Variants in RAB30 observed in about 807,000 individuals in gnomAD.
The protein encoded by RAB30 is ras-related protein Rab-30.
A neutral mutation model predicts 25.1 loss-of-function variants in RAB30; 9 were observed. That is an observed-to-expected ratio of 0.36 (90% confidence interval 0.22 to 0.63). The LOEUF is 0.63. RAB30 is among the 20% of genes least tolerant of loss of function. The pLI is 0.69. For synonymous variants in RAB30, 77 were observed against 86.4 expected (o/e 0.89, Z 0.60); for missense variants, 140 against 243.5 (o/e 0.58, Z 2.83).
At chr11:83,042,576 C>T (rs1435355120) in intron 1 of RAB30, among the ~76,000 whole-genome samples, 1 of 151,888 alleles carries the variant, frequency 6.6e-6, no homozygotes, top group Non-Finnish European at 1.5e-5. Flanking sequence ...AACAAAAAAA[C>T]CCACAAATCT....
chr11:82,994,096 G>A lies in RAB30; in HGVS notation c.120C>T (p.Ala40=). The change falls in exon 3 of 5, where the codon GCC becomes GCT. Residue 40 remains alanine (A), a synonymous_variant. Coordinates refer to ENST00000527633, the MANE Select transcript of RAB30 (RefSeq NM_001286060.2). ...TQGLFPPGQG[A]TIGVDFMIKT... ...TAATCATAAAATCAACTCCAATTGT[G>A]GCTCCTTGACCTGGGGGGAAAAGAC... is the stretch of plus-strand genomic sequence containing the variant. 1 of 1,611,292 alleles carries A rather than the reference G, an allele frequency of 6.2e-7. No individual in the cohort carries two copies. The highest frequency in any genetic ancestry group is 8.5e-7 in the Non-Finnish European group (1 of 1,177,600).
intron 1 of RAB30, among the ~76,000 whole-genome samples, chr11:83,043,514 G>A (rs1264061555): frequency 1.3e-5 from 2 of 152,190 alleles, no homozygotes; most frequent in Admixed American, 6.5e-5. Flanking sequence ...TCTATTAGAT[G>A]ACATAATGGA....
At chr11:83,001,186 TTTTG>T (rs569892568) in intron 1 of RAB30, among the ~76,000 whole-genome samples, 13 of 152,044 alleles carry the variant, frequency 8.6e-5, no homozygotes, top group African/African-American at 2.4e-4. Flanking sequence ...TTGAATGTGT[TTTTG>T]TTTGTTTGTT....
intron 1 of RAB30, among the ~76,000 whole-genome samples, chr11:83,018,185 G>C (rs901483558): frequency 2.6e-5 from 4 of 151,854 alleles, no homozygotes; most frequent in Admixed American, 2.6e-4. Context: ...TGTAGTCCCA[G>C]CTACTCGGGA....
At chr11:83,058,408 T>C (rs1858499059) in intron 1 of RAB30, among the ~76,000 whole-genome samples, 1 of 152,248 alleles carries the variant, frequency 6.6e-6, no homozygotes, top group Non-Finnish European at 1.5e-5. Context: ...TTTTAATGTG[T>C]CTTTAGTCAC....
intron 1 of RAB30, among the ~76,000 whole-genome samples, chr11:83,065,123 C>T (rs1738257687): frequency 1.3e-5 from 2 of 152,034 alleles, no homozygotes; most frequent in South Asian, 4.1e-4. Flanking sequence ...GAGACAAGAG[C>T]TGGGCACAGT....
chr11:83,026,821 A>G (rs1425245352), intron 1 of RAB30, among the ~76,000 whole-genome samples: 1 of 152,252 alleles, frequency 6.6e-6, no homozygotes, highest in Non-Finnish European at 1.5e-5. Context: ...TTATTAAAAA[A>G]AACCTTATAA....
At chr11:83,058,242 AATT>A (rs1378081351) in intron 1 of RAB30, among the ~76,000 whole-genome samples, 5 of 152,306 alleles carry the variant, frequency 3.3e-5, no homozygotes, top group Non-Finnish European at 2.9e-5. Flanking sequence ...TCCACGGTAT[AATT>A]ATCAAAATCA....
chr11:82,995,690 A>T (rs1046752393), intron 2 of RAB30, among the ~76,000 whole-genome samples: 8 of 152,244 alleles, frequency 5.3e-5, no homozygotes, highest in Admixed American at 4.6e-4. Context: ...ACATTTTCAC[A>T]TCTAATGACA....
At chr11:83,015,236 C>A (rs1199199833) in intron 1 of RAB30, among the ~76,000 whole-genome samples, 1 of 152,094 alleles carries the variant, frequency 6.6e-6, no homozygotes, top group Non-Finnish European at 1.5e-5. Context: ...AGTTAGGAGG[C>A]TACTGCAAAT....
At chr11:82,986,023 G>GA (rs1250347454) in intron 4 of RAB30, among the ~76,000 whole-genome samples, 1 of 151,118 alleles carries the variant, frequency 6.6e-6, no homozygotes, top group Non-Finnish European at 1.5e-5. Flanking sequence ...ACAAACAAAC[G>GA]AAAAAAAATC....
intron 1 of RAB30, among the ~76,000 whole-genome samples, chr11:83,019,207 G>A (rs1009333465): frequency 1.1e-4 from 17 of 152,212 alleles, no homozygotes; most frequent in African/African-American, 3.9e-4. Context: ...TGTATTTTTA[G>A]TAGAGATGGG....
chr11:83,054,283 T>C (rs1186347475), intron 1 of RAB30, among the ~76,000 whole-genome samples: 1 of 152,238 alleles, frequency 6.6e-6, no homozygotes, highest in Non-Finnish European at 1.5e-5. Flanking sequence ...CCATACTGTA[T>C]GATAATCATC....
chr11:83,036,906 C>T (rs74362443), intron 1 of RAB30, among the ~76,000 whole-genome samples: 6 of 152,276 alleles, frequency 3.9e-5, no homozygotes, highest in East Asian at 3.9e-4. Context: ...GAAAAAAGAA[C>T]GGTTGAGATG....
At chr11:83,014,615 A>G (rs948203939) in intron 1 of RAB30, among the ~76,000 whole-genome samples, 112 of 82,288 alleles carry the variant, frequency 1.4e-3, no homozygotes, top group East Asian at 6.0e-3. Flanking sequence ...GAGAGAGACA[A>G]AGAAAGAAAG....
At chr11:83,059,730 A>G (rs550331555) in intron 1 of RAB30, among the ~76,000 whole-genome samples, 1 of 152,294 alleles carries the variant, frequency 6.6e-6, no homozygotes, top group African/African-American at 2.4e-5. Context: ...AATCTCGCCT[A>G]CTTTATCAGA....
chr11:83,009,718 G>A (rs1857263376), intron 1 of RAB30, among the ~76,000 whole-genome samples: 1 of 152,174 alleles, frequency 6.6e-6, no homozygotes, highest in Non-Finnish European at 1.5e-5. Context: ...TTAACCTACT[G>A]AAGGCAGGAA....
At chr11:83,057,436 ACT>A (rs1858480089) in intron 1 of RAB30, among the ~76,000 whole-genome samples, 1 of 152,166 alleles carries the variant, frequency 6.6e-6, no homozygotes, top group Non-Finnish European at 1.5e-5. Flanking sequence ...TCCAATGTTA[ACT>A]CTTAGAAAGC....
chr11:82,986,437 T>TA (rs1856739809), intron 4 of RAB30, among the ~76,000 whole-genome samples: 1 of 152,248 alleles, frequency 6.6e-6, no homozygotes, highest in Admixed American at 6.5e-5. Context: ...CTTCCTTAGA[T>TA]AAAATCCCAA....
Sources: allele counts gnomAD v4.1 joint callset (sites outside exome capture counted in the v4.1 genomes callset), GRCh38; gene constraint gnomAD v4.1.1; transcripts MANE v1.5; gene names NCBI Gene and HGNC (gene_info 2026-07-23, HGNC 2026-07-21).